ZBTB20: variants seen among roughly 807,000 people sequenced by gnomAD.
ZBTB20 encodes the protein zinc finger and BTB domain-containing protein 20.
ZBTB20 carries 9 observed loss-of-function variants against 56.9 expected under a neutral mutation model. The observed-to-expected ratio is 0.16, with a 90% CI of 0.10 to 0.28. The LOEUF (loss-of-function observed/expected upper bound fraction) is 0.28. Ranked by LOEUF, ZBTB20 falls within the 10% of genes least tolerant of loss-of-function variation. The pLI is 1.00. For missense variants in ZBTB20, 655 were observed against 1,003.0 expected (o/e 0.65, Z 4.69); for synonymous variants, 417 against 420.7 (o/e 0.99, Z 0.11).
chr3:114,954,003 C>T (rs2077163395), intron 3 of ZBTB20, among the ~76,000 whole-genome samples: 2 of 152,002 alleles, frequency 1.3e-5, no homozygotes, highest in Non-Finnish European at 2.9e-5. Context: ...TCAGCAGAGG[C>T]AGAAAGCTGA....
In ZBTB20 at chr3:114,884,713, C is replaced by T. The variant is rs928151121; in HGVS notation, c.-417+15591G>A. Among the ~76,000 whole-genome samples, 19 of 151,868 alleles carry T rather than the reference C, an allele frequency of 1.3e-4. 1 individual carries two copies. The highest frequency in any genetic ancestry group is 4.4e-4 in the African/African-American group (18 of 41,342). ...CAAATGGAGAGATAACTATATATTC[C>T]GAAAAAGTTCTATGTTAAATCTTGG... is the stretch of plus-strand genomic sequence containing the variant. On this transcript the variant is annotated intron_variant, in intron 4 of 11. Transcript: ENST00000675478.
chr3:114,530,379 C>T (rs1160149240), intron 6 of ZBTB20, among the ~76,000 whole-genome samples: 1 of 152,118 alleles, frequency 6.6e-6, no homozygotes, highest in Non-Finnish European at 1.5e-5. Context: ...CAGTAACATG[C>T]TGTGCAGGTT....
chr3:114,892,924 T>C (rs2076876499), intron 4 of ZBTB20, among the ~76,000 whole-genome samples: 1 of 152,196 alleles, frequency 6.6e-6, no homozygotes, highest in South Asian at 2.1e-4. Context: ...CACTTTAAAA[T>C]TAAAAATTGG....
At chr3:115,094,771 A>G (rs2083318226) in intron 1 of ZBTB20, among the ~76,000 whole-genome samples, 1 of 151,994 alleles carries the variant, frequency 6.6e-6, no homozygotes, top group African/African-American at 2.4e-5. Flanking sequence ...AGCCTTCTAA[A>G]AATTAGAGAA....
intron 6 of ZBTB20, among the ~76,000 whole-genome samples, chr3:114,614,804 T>C (rs1482256080): frequency 2.0e-5 from 3 of 151,968 alleles, no homozygotes; most frequent in African/African-American, 4.8e-5. Context: ...CAGGCTGGAG[T>C]GTGCAGTGGT....
intron 10 of ZBTB20, among the ~76,000 whole-genome samples, chr3:114,359,808 T>C (rs1172415304): frequency 6.6e-6 from 1 of 152,250 alleles, no homozygotes; most frequent in Non-Finnish European, 1.5e-5. Flanking sequence ...GTTAGGTCTT[T>C]TGTTTTGCTT....
chr3:114,871,419 T>G (rs771283191), intron 4 of ZBTB20, among the ~76,000 whole-genome samples: 4 of 152,124 alleles, frequency 2.6e-5, no homozygotes, highest in African/African-American at 4.8e-5. Flanking sequence ...CCTTTTTGCC[T>G]TTTTCTGGCC....
chr3:114,912,945 T>G (rs972642572), intron 3 of ZBTB20, among the ~76,000 whole-genome samples: 1 of 152,162 alleles, frequency 6.6e-6, no homozygotes, highest in Non-Finnish European at 1.5e-5. Flanking sequence ...ACTACTCCAT[T>G]GCATATATGG....
intron 11 of ZBTB20, among the ~76,000 whole-genome samples, chr3:114,342,836 T>C (rs1250963846): frequency 3.9e-5 from 6 of 152,204 alleles, no homozygotes; most frequent in Non-Finnish European, 4.4e-5. Context: ...TGCAGCTATG[T>C]AATTCAGAGT....
chr3:114,569,609 G>A (rs2053195075), intron 6 of ZBTB20, among the ~76,000 whole-genome samples: 1 of 152,196 alleles, frequency 6.6e-6, no homozygotes, highest in African/African-American at 2.4e-5. Flanking sequence ...ATTCCACACT[G>A]AGCCAACCTA....
rs141655048 is a variant in ZBTB20 at position 114,794,256 on chromosome 3, G to A, written c.-343+6845C>T. Among the ~76,000 whole-genome samples, 28 of 152,108 alleles carry A rather than the reference G, an allele frequency of 1.8e-4. No homozygotes were observed. The East Asian group carries it at 4.1e-3, about 22-fold the overall frequency. ...CTTTATACAGTATCTGGTATATTAG[G>A]TAAATGGATTGTAATATATATTGTT... is the stretch of plus-strand genomic sequence containing the variant. On this transcript the variant is annotated intron_variant, in intron 5 of 11. Transcript: ENST00000675478.
intron 7 of ZBTB20, among the ~76,000 whole-genome samples, chr3:114,391,405 T>C (rs1355322593): frequency 1.3e-5 from 2 of 152,224 alleles, no homozygotes; most frequent in African/African-American, 4.8e-5. Context: ...TTTCTTCCTT[T>C]CTTTCAATGT....
intron 6 of ZBTB20, among the ~76,000 whole-genome samples, chr3:114,521,267 C>A (rs2109931379): frequency 6.6e-6 from 1 of 152,266 alleles, no homozygotes; most frequent in East Asian, 1.9e-4. Flanking sequence ...AGGGTCTGAT[C>A]TGGGAACACC....
intron 3 of ZBTB20, among the ~76,000 whole-genome samples, chr3:114,962,323 A>G (rs1250878896): frequency 1.3e-5 from 2 of 152,138 alleles, no homozygotes; most frequent in Non-Finnish European, 1.5e-5. Flanking sequence ...GGTTCCAAAA[A>G]TTAGAACCCC....
At chr3:114,991,138 C>T (rs545794555) in intron 2 of ZBTB20, among the ~76,000 whole-genome samples, 2 of 152,128 alleles carry the variant, frequency 1.3e-5, no homozygotes, top group East Asian at 3.9e-4. Flanking sequence ...GATTTCTTGC[C>T]TTCTGCTAGC....
intron 5 of ZBTB20, among the ~76,000 whole-genome samples, chr3:114,774,613 C>T (rs1281773423): frequency 1.3e-5 from 2 of 152,082 alleles, no homozygotes; most frequent in Admixed American, 6.6e-5. Flanking sequence ...ATGTCTGTCC[C>T]CATTTAATAT....
At chr3:114,836,211 C>T (rs1031723251) in intron 4 of ZBTB20, among the ~76,000 whole-genome samples, 2 of 152,154 alleles carry the variant, frequency 1.3e-5, no homozygotes, top group African/African-American at 2.4e-5. Flanking sequence ...AATCAAAATA[C>T]TACACTGACT....
chr3:115,135,526 A>G (rs1238800558), intron 1 of ZBTB20, among the ~76,000 whole-genome samples: 1 of 152,202 alleles, frequency 6.6e-6, no homozygotes, highest in Non-Finnish European at 1.5e-5. Flanking sequence ...CCCAGTTTTA[A>G]TTATTCCAGG....
intron 6 of ZBTB20, among the ~76,000 whole-genome samples, chr3:114,531,167 C>T (rs1343778898): frequency 2.0e-5 from 3 of 152,178 alleles, no homozygotes; most frequent in Non-Finnish European, 4.4e-5. Flanking sequence ...AGTCCCAAAC[C>T]AAAAGCACTC....
Sources: gnomAD v4.1 joint callset for allele counts (sites outside exome capture counted in the v4.1 genomes callset) on GRCh38, gnomAD v4.1.1 for gene constraint, MANE v1.5 for transcripts, NCBI Gene and HGNC (gene_info 2026-07-23, HGNC 2026-07-21) for gene names.